WNK1: variants seen among roughly 807,000 people sequenced by gnomAD.
The protein encoded by WNK1 is WNK lysine deficient protein kinase 1.
A neutral mutation model predicts 222.8 loss-of-function variants in WNK1; 38 were observed. The ratio of observed to expected loss-of-function variants is 0.17; its 90% CI spans 0.13 to 0.22. WNK1 has a LOEUF of 0.22. WNK1 is among the 10% of genes least tolerant of loss of function. The pLI is 1.00. For synonymous variants in WNK1, 1,090 were observed against 1,092.9 expected, an observed-to-expected ratio of 1.00 and a Z score of 0.05; for missense variants, 2,348 against 2,918.4, an observed-to-expected ratio of 0.80 and a Z score of 4.50.
chr12:774,371 A>G (rs1942876488), intron 1 of WNK1, among the ~76,000 whole-genome samples: 1 of 152,164 alleles, frequency 6.6e-6, no homozygotes, highest in Admixed American at 6.5e-5. Context: ...CCTCTTGAGT[A>G]TAATCCAACC....
chr12:839,680 G>A (rs1949467397), intron 4 of WNK1, among the ~76,000 whole-genome samples: 6 of 151,898 alleles, frequency 4.0e-5, no homozygotes, highest in Admixed American at 3.9e-4. Flanking sequence ...TTTATAATTT[G>A]TATATGAAAT....
chr12:784,524 G>C (rs1164337927), intron 1 of WNK1, among the ~76,000 whole-genome samples: 1 of 151,896 alleles, frequency 6.6e-6, no homozygotes, highest in African/African-American at 2.4e-5. Context: ...TTTAAAAATA[G>C]CATTATTGAA....
chr12:759,198 A>C (rs1029604284), intron 1 of WNK1, among the ~76,000 whole-genome samples: 1 of 147,376 alleles, frequency 6.8e-6, no homozygotes. Context: ...GTACTCAATT[A>C]TCATTTCTGA....
chr12:902,320 T>C (rs1020250208), intron 26 of WNK1, among the ~76,000 whole-genome samples: 2 of 151,924 alleles, frequency 1.3e-5, no homozygotes, highest in Admixed American at 6.6e-5. Flanking sequence ...AGAAACGAAA[T>C]GAAGAAAGCA....
intron 1 of WNK1, among the ~76,000 whole-genome samples, chr12:800,341 T>A (rs941744195): frequency 1.4e-4 from 22 of 152,142 alleles, no homozygotes; most frequent in Admixed American, 1.4e-3. Context: ...TATTTGGCAG[T>A]GAGTTTATAA....
At chr12:877,454 A>G (rs2154078605) in intron 9 of WNK1, among the ~76,000 whole-genome samples, 1 of 152,076 alleles carries the variant, frequency 6.6e-6, no homozygotes, top group East Asian at 1.9e-4. Flanking sequence ...TTATTACAGA[A>G]TTTAGTATTC....
At chr12:777,935 A>G (rs574929548) in intron 1 of WNK1, among the ~76,000 whole-genome samples, 37 of 152,328 alleles carry the variant, frequency 2.4e-4, no homozygotes, top group African/African-American at 8.7e-4. Flanking sequence ...ACTCTAAAAC[A>G]TAATCCAAAA....
At chr12:881,480 C>T in intron 12 of WNK1, 1 of 587,338 alleles carries the variant, frequency 1.7e-6, no homozygotes, top group South Asian at 1.9e-5. Context: ...TGACCTCATA[C>T]CATGCAGTCT....
intron 1 of WNK1, among the ~76,000 whole-genome samples, chr12:786,757 G>C (rs1944347990): frequency 6.6e-6 from 1 of 152,078 alleles, no homozygotes; most frequent in Admixed American, 6.6e-5. Context: ...GTGAGCCACT[G>C]TGCCTGGCCC....
In WNK1 at chr12:830,076, G is replaced by A. The variant is rs1356545906; in HGVS notation, c.1227G>A (p.Gly409=). ...YDESVDVYAF[G]MCMLEMATSE... Reference sequence around the variant, plus strand: ...AATCCGTTGACGTTTATGCTTTTGGGATGTGCATGCTTGAGATGGCTACAT... The same window carrying A: ...AATCCGTTGACGTTTATGCTTTTGGAATGTGCATGCTTGAGATGGCTACAT... Residue 409 remains glycine, a synonymous_variant, in exon 4 of 28, where the codon GGG becomes GGA. Transcript: ENST00000315939. 1.2e-6 allele frequency: 2 copies of A among 1,614,010 alleles called. No homozygotes were observed. The highest frequency in any genetic ancestry group is 1.7e-6 in the Non-Finnish European group (2 of 1,180,002).
chr12:788,747 C>T (rs144386307), intron 1 of WNK1, among the ~76,000 whole-genome samples: 6 of 152,024 alleles, frequency 3.9e-5, no homozygotes, highest in African/African-American at 1.4e-4. Context: ...ATTAGCCGGG[C>T]GTGGTGGCAG....
chr12:899,550 G>A (rs1419699283), intron 25 of WNK1, among the ~76,000 whole-genome samples: 2 of 151,798 alleles, frequency 1.3e-5, no homozygotes, highest in East Asian at 1.9e-4. Context: ...CCCAAAGTGC[G>A]GATTACAGGC....
intron 1 of WNK1, among the ~76,000 whole-genome samples, chr12:776,721 C>T (rs1384856148): frequency 6.6e-6 from 1 of 152,132 alleles, no homozygotes; most frequent in African/African-American, 2.4e-5. Flanking sequence ...TGAGCTACCG[C>T]GCCTGGCCCA....
intron 22 of WNK1, among the ~76,000 whole-genome samples, chr12:894,091 GC>G (rs1421467346): frequency 6.6e-6 from 1 of 151,856 alleles, no homozygotes; most frequent in Non-Finnish European, 1.5e-5. Flanking sequence ...GGTGGCACAC[GC>G]CTGTAATCCC....
chr12:852,450 A>G (rs1950489140), intron 4 of WNK1, among the ~76,000 whole-genome samples: 1 of 152,244 alleles, frequency 6.6e-6, no homozygotes, highest in Non-Finnish European at 1.5e-5. Context: ...CAAAAAACAT[A>G]TGACACTACT....
At chr12:759,597 G>A (rs1261803679) in intron 1 of WNK1, among the ~76,000 whole-genome samples, 1 of 147,882 alleles carries the variant, frequency 6.8e-6, no homozygotes, top group African/African-American at 2.4e-5. Context: ...CCAAAGTCCT[G>A]GGATTACAGG....
In WNK1 at chr12:885,766, T is replaced by C. The variant is rs1244284166; in HGVS notation, c.4962T>C (p.Thr1654=). ...CTCCTGGAATTGATGACATAAAGACTCTAGAAGAAAAGCTGCGGTCTCTGT... is the reference window on the plus strand; with the variant it reads ...CTCCTGGAATTGATGACATAAAGACCCTAGAAGAAAAGCTGCGGTCTCTGT... ...PKAPGIDDIK[T]LEEKLRSLFS... is the part of the protein sequence containing the mutation. The change falls in exon 19 of 28, where the codon ACT becomes ACC. Residue 1654 remains threonine (T), a synonymous_variant. Coordinates refer to ENST00000315939, the MANE Select transcript of WNK1 (RefSeq NM_018979.4). 1 of 1,614,054 alleles carries C rather than the reference T, an allele frequency of 6.2e-7. No individual in the cohort carries two copies. The highest frequency in any genetic ancestry group is 2.2e-5 in the East Asian group (1 of 44,886).
At chr12:767,940 A>G (rs1045084394) in intron 1 of WNK1, among the ~76,000 whole-genome samples, 2 of 152,040 alleles carry the variant, frequency 1.3e-5, no homozygotes, top group Non-Finnish European at 2.9e-5. Context: ...GAGAAGGACC[A>G]CTCTAGATGG....
chr12:776,971 T>G (rs1160613803), intron 1 of WNK1, among the ~76,000 whole-genome samples: 1 of 151,880 alleles, frequency 6.6e-6, no homozygotes, highest in Non-Finnish European at 1.5e-5. Flanking sequence ...TCAGAAGTGT[T>G]GAAGATAAAA....
Sources: gnomAD v4.1 joint callset for allele counts (sites outside exome capture counted in the v4.1 genomes callset) on GRCh38, gnomAD v4.1.1 for gene constraint, MANE v1.5 for transcripts, NCBI Gene and HGNC (gene_info 2026-07-23, HGNC 2026-07-21) for gene names.